TMEM132B: variants seen among roughly 807,000 people sequenced by gnomAD.
The protein encoded by TMEM132B is transmembrane protein 132B.
Under a neutral mutation model 90.8 loss-of-function variants are expected in TMEM132B, and 18 were observed. The observed-to-expected ratio is 0.20, with a 90% confidence interval of 0.14 to 0.29. The LOEUF (loss-of-function observed/expected upper bound fraction) is 0.29, where lower values mean the gene tolerates loss of function less well. Ranked by LOEUF, TMEM132B falls within the 10% of genes least tolerant of loss-of-function variation. The probability of loss-of-function intolerance (pLI) is 1.00; values close to 1 mark genes in which losing one functional copy is unlikely to be tolerated. For synonymous variants in TMEM132B, 504 were observed against 523.3 expected (o/e 0.96, Z 0.50); for missense variants, 1,096 against 1,326.8 (o/e 0.83, Z 2.70).
chr12:125,187,066 C>A (rs558738306), intron 1 of TMEM132B, among the ~76,000 whole-genome samples, 200 bp downstream of exon 1: 9 of 152,200 alleles, frequency 5.9e-5, no homozygotes, highest in African/African-American at 2.2e-4. Context: ...GCCTTCTCCC[C>A]CAAACCCTTA....
chr12:125,552,839 G>A (rs558788505), intron 4 of TMEM132B, among the ~76,000 whole-genome samples: 30 of 152,340 alleles, frequency 2.0e-4, no homozygotes, highest in Admixed American at 3.3e-4. Flanking sequence ...AATGCATGGG[G>A]AATAACAGAC....
rs1236999577 is a variant in TMEM132B at position 125,233,566 on chromosome 12, A to T, written c.67+46700A>T. Among the ~76,000 whole-genome samples, 3 of 152,350 alleles carry T rather than the reference A, an allele frequency of 2.0e-5. No individual in the cohort carries two copies. The East Asian group carries it at 5.8e-4, about 29-fold the overall frequency. Reference sequence around the variant, plus strand: ...ATAGTCAATGGCCACGCTTAGCTGCAGGGAAGGACAGAAAAAGAAATTTTC... The same window carrying T: ...ATAGTCAATGGCCACGCTTAGCTGCTGGGAAGGACAGAAAAAGAAATTTTC... On this transcript the variant is annotated intron_variant, in intron 1 of 8. Coordinates refer to ENST00000682704, the MANE Select transcript of TMEM132B (RefSeq NM_001366854.1).
At position 125,650,893 on chromosome 12, in the gene TMEM132B, C is replaced by G; in HGVS notation, c.1854C>G (p.Ile618Met). ...TEFMKVEEPK[I>M]AQLQDGRTLA... The stretch of plus-strand genomic sequence containing the variant: ...TCATGAAGGTGGAGGAGCCGAAAAT[C>G]GCTCAGTTACAGGACGGCAGGACCC... The change falls in exon 7 of 9, where the codon ATC becomes ATG. Residue 618 changes from isoleucine (I) to methionine (M), a missense_variant. Coordinates refer to ENST00000682704, the MANE Select transcript of TMEM132B (RefSeq NM_001366854.1). 6.2e-7 allele frequency: 1 copy of G among 1,613,778 alleles called. No homozygotes were observed. The highest frequency in any genetic ancestry group is 8.5e-7 in the Non-Finnish European group (1 of 1,180,012).
rs1301700406 is a variant in TMEM132B, at chr12:125,505,504, G to A, written c.1107-13935G>A. 2.6e-5 allele frequency among the ~76,000 whole-genome samples: 4 copies of A among 152,060 alleles called. No homozygotes were observed. The East Asian group carries it at 7.7e-4, about 29-fold the overall frequency. ...ACTTGAGGTCAGGAGTTTGAGACCA[G>A]CCTGGTCAGTGTGGTGAAATCCCGT... On this transcript the variant is annotated intron_variant, in intron 3 of 8. Coordinates refer to ENST00000682704, the MANE Select transcript of TMEM132B (RefSeq NM_001366854.1).
chr12:125,319,084 G>GGTTT (rs1423619993), intron 1 of TMEM132B, among the ~76,000 whole-genome samples: 2 of 152,176 alleles, frequency 1.3e-5, no homozygotes, highest in African/African-American at 4.8e-5. Context: ...CTCAGGTCCT[G>GGTTT]GTTTTGTCCT....
chr12:125,354,283 T>G (rs1484304210), intron 2 of TMEM132B, among the ~76,000 whole-genome samples: 1 of 152,134 alleles, frequency 6.6e-6, no homozygotes, highest in Admixed American at 6.5e-5. Context: ...CCCATAGAGG[T>G]GTGCCTTATT....
At chr12:125,266,583 A>G (rs1874702482) in intron 1 of TMEM132B, among the ~76,000 whole-genome samples, 1 of 152,200 alleles carries the variant, frequency 6.6e-6, no homozygotes, top group African/African-American at 2.4e-5. Context: ...AATTGCTCAC[A>G]GCATTTTCTG....
intron 1 of TMEM132B, among the ~76,000 whole-genome samples, chr12:125,281,850 A>T (rs1376953937): frequency 6.6e-6 from 1 of 151,664 alleles, no homozygotes; most frequent in Non-Finnish European, 1.5e-5. Context: ...AACACGGTGA[A>T]ACCCCGTCTC....
At chr12:125,375,842 G>T (rs1302211928) in intron 2 of TMEM132B, among the ~76,000 whole-genome samples, 2 of 152,206 alleles carry the variant, frequency 1.3e-5, no homozygotes, top group African/African-American at 4.8e-5. Context: ...ATAGTTATCA[G>T]GTTCTGGAAT....
intron 1 of TMEM132B, among the ~76,000 whole-genome samples, chr12:125,230,468 GT>G (rs770461763): frequency 2.3e-4 from 35 of 149,188 alleles, no homozygotes; most frequent in Middle Eastern, 7.0e-3. Context: ...GGCATCTGTG[GT>G]TTTTTTTTTC....
chr12:125,548,180 G>A (rs1884136979), intron 4 of TMEM132B, among the ~76,000 whole-genome samples: 1 of 152,118 alleles, frequency 6.6e-6, no homozygotes, highest in African/African-American at 2.4e-5. Flanking sequence ...GAGTTCTGGA[G>A]GGTCTTGCCT....
chr12:125,538,995 C>T (rs1025319114), intron 4 of TMEM132B, among the ~76,000 whole-genome samples: 2 of 152,210 alleles, frequency 1.3e-5, no homozygotes, highest in Admixed American at 1.3e-4. Context: ...CCAGCCACCA[C>T]CATCTCCTGC....
At chr12:125,190,365 T>C (rs1330154839) in intron 1 of TMEM132B, among the ~76,000 whole-genome samples, 2 of 141,290 alleles carry the variant, frequency 1.4e-5, no homozygotes, top group East Asian at 2.1e-4. Flanking sequence ...CAAGTCTTAG[T>C]GGTGATGGTG....
At chr12:125,268,426 G>A (rs1479297001) in intron 1 of TMEM132B, among the ~76,000 whole-genome samples, 1 of 152,210 alleles carries the variant, frequency 6.6e-6, no homozygotes, top group African/African-American at 2.4e-5. Flanking sequence ...TCCATCAAGA[G>A]GGGCATGGGT....
chr12:125,443,447 G>A (rs749527527), intron 3 of TMEM132B, among the ~76,000 whole-genome samples: 2 of 152,140 alleles, frequency 1.3e-5, no homozygotes, highest in Non-Finnish European at 2.9e-5. Context: ...GATGGGAGTG[G>A]GGAGGGCCTT....
intron 1 of TMEM132B, among the ~76,000 whole-genome samples, chr12:125,337,204 A>G (rs1292662714): frequency 6.6e-6 from 1 of 152,160 alleles, no homozygotes; most frequent in African/African-American, 2.4e-5. Context: ...TCCACTTTTT[A>G]GTAGGGATGG....
chr12:125,303,792 A>G (rs552800711), intron 1 of TMEM132B, among the ~76,000 whole-genome samples: 2 of 152,226 alleles, frequency 1.3e-5, no homozygotes, highest in African/African-American at 4.8e-5. Context: ...CTGTGGAGAA[A>G]TGTCTATTCA....
intron 5 of TMEM132B, among the ~76,000 whole-genome samples, chr12:125,593,048 A>G (rs1307593014): frequency 2.6e-5 from 4 of 152,228 alleles, no homozygotes; most frequent in African/African-American, 9.6e-5. Context: ...GCTTGACAAA[A>G]ATTTATGTAA....
chr12:125,261,596 C>T lies in TMEM132B; in HGVS notation c.67+74730C>T, dbSNP rs1198429005. Among the ~76,000 whole-genome samples the T allele has an allele frequency of 2.0e-5, 3 of 152,124 alleles. No homozygotes were observed. In the East Asian group the frequency reaches 5.8e-4, roughly 29 times the overall value. ...AAACTTATTAATATTCCGTGCTCCACAAGTGCAGAAAATTCAAATTGTCAT... is the reference window on the plus strand; with the variant it reads ...AAACTTATTAATATTCCGTGCTCCATAAGTGCAGAAAATTCAAATTGTCAT... On this transcript the variant is annotated intron_variant, in intron 1 of 8. Coordinates refer to ENST00000682704, the MANE Select transcript of TMEM132B (RefSeq NM_001366854.1).
Sources: allele counts gnomAD v4.1 joint callset (sites outside exome capture counted in the v4.1 genomes callset), GRCh38; gene constraint gnomAD v4.1.1; transcripts MANE v1.5; gene names NCBI Gene and HGNC (gene_info 2026-07-23, HGNC 2026-07-21).